EXOC6B: variants seen among roughly 807,000 people sequenced by gnomAD.
EXOC6B encodes exocyst complex component 6B.
EXOC6B carries 54 observed loss-of-function variants against 113.5 expected under a neutral mutation model. The ratio of observed to expected loss-of-function variants is 0.48; its 90% CI spans 0.38 to 0.60. EXOC6B has a LOEUF of 0.60. Ranked by LOEUF, EXOC6B falls within the 20% of genes least tolerant of loss-of-function variation. EXOC6B has a pLI of 0.00. For missense variants in EXOC6B, 797 were observed against 977.5 expected (o/e 0.82, Z 2.46); for synonymous variants, 357 against 339.0 (o/e 1.05, Z -0.58).
chr2:72,658,917 CAGAAAATTCAGAGTAAAGCA>C (rs1349819988), intron 6 of EXOC6B, among the ~76,000 whole-genome samples: 1 of 151,932 alleles, frequency 6.6e-6, no homozygotes. Context: ...TGTCTTTTTA[CAGAAAATTCAGAGTAAAGCA>C]CGAAATATAG....
intron 18 of EXOC6B, among the ~76,000 whole-genome samples, chr2:72,441,645 T>C (rs1696208313): frequency 6.6e-6 from 1 of 152,086 alleles, no homozygotes; most frequent in Non-Finnish European, 1.5e-5. Context: ...TATCTAGAAC[T>C]AATCGATAAG....
chr2:72,246,941 G>A (rs923931354), intron 20 of EXOC6B, among the ~76,000 whole-genome samples: 3 of 152,112 alleles, frequency 2.0e-5, no homozygotes, highest in Non-Finnish European at 4.4e-5. Context: ...CTAAGAACTT[G>A]TTTTTTGAGG....
rs181932880 is a variant in EXOC6B, at chr2:72,385,496, A to C, written c.1981-5626T>G. ...ATAACCACAAAAGTACAGGCAACAAAAGCAAAAACAGACACACAGGATTAC... is the reference window on the plus strand; with the variant it reads ...ATAACCACAAAAGTACAGGCAACAACAGCAAAAACAGACACACAGGATTAC... On this transcript the variant is annotated intron_variant, in intron 18 of 21. Transcript: ENST00000272427. 1.4e-3 allele frequency among the ~76,000 whole-genome samples: 220 copies of C among 152,178 alleles called. 1 individual carries two copies. The highest frequency in any genetic ancestry group is 3.4e-3 in the Middle Eastern group (1 of 294).
chr2:72,518,264 T>C (rs1000239973), intron 8 of EXOC6B, among the ~76,000 whole-genome samples: 1 of 152,216 alleles, frequency 6.6e-6, no homozygotes, highest in Non-Finnish European at 1.5e-5. Flanking sequence ...ACTTGGATTT[T>C]TTCCTACTTT....
At chr2:72,800,957 G>A (rs146199318) in intron 1 of EXOC6B, among the ~76,000 whole-genome samples, 322 of 152,202 alleles carry the variant, frequency 2.1e-3, no homozygotes, top group Non-Finnish European at 1.6e-3. Flanking sequence ...CTCTACTGTG[G>A]TGATTACAAA....
In EXOC6B at chr2:72,179,371, C is replaced by T. The variant is rs1677943038; in HGVS notation, c.2400G>A (p.Lys800=). The change falls in exon 22 of 22, where the codon AAG becomes AAA. Residue 800 remains lysine (K), a synonymous_variant. Transcript: ENST00000272427. ...DKQKLIDTVA[K]QLRGLISSHH... ...GGCTGCTGATGAGTCCTCGGAGCTG[C>T]TTGGCCACGGTGTCAATGAGTTTCT... 5 of 1,613,264 alleles carry T rather than the reference C, an allele frequency of 3.1e-6. No homozygotes were observed. The African/African-American group carries it at 4.0e-5, about 13-fold the overall frequency.
chr2:72,532,158 G>A (rs747552344), intron 8 of EXOC6B, among the ~76,000 whole-genome samples: 3 of 151,888 alleles, frequency 2.0e-5, no homozygotes, highest in East Asian at 1.9e-4. Context: ...CAAAACATAC[G>A]TATCAGACAA....
In EXOC6B at chr2:72,505,387, A is replaced by G. The variant is rs536659705; in HGVS notation, c.1168-5415T>C. On this transcript the variant is annotated intron_variant, in intron 11 of 21. Coordinates refer to ENST00000272427, the MANE Select transcript of EXOC6B (RefSeq NM_015189.3). ...CACCTAATATATATCCCAAGGATCC[A>G]TATATGTGTGAGACTGTTTGAAGGT... 5.9e-5 allele frequency among the ~76,000 whole-genome samples: 9 copies of G among 152,228 alleles called. No homozygotes were observed. In the South Asian group the frequency reaches 1.7e-3, roughly 28 times the overall value.
chr2:72,738,545 C>T (rs989490073), intron 2 of EXOC6B, among the ~76,000 whole-genome samples: 1 of 152,166 alleles, frequency 6.6e-6, no homozygotes, highest in African/African-American at 2.4e-5. Context: ...CATTCAAAAT[C>T]GTCAGTTGAA....
intron 6 of EXOC6B, among the ~76,000 whole-genome samples, chr2:72,610,203 T>C (rs1670993145): frequency 6.6e-6 from 1 of 152,124 alleles, no homozygotes; most frequent in South Asian, 2.1e-4. Flanking sequence ...ATATAAACAG[T>C]CAAACCATTT....
chr2:72,767,817 A>AAAAAAAAAAAAAAAAAAAAC (rs1683168963), intron 1 of EXOC6B, among the ~76,000 whole-genome samples: 1 of 136,066 alleles, frequency 7.3e-6, no homozygotes. Context: ...TTAAAAAAAA[A>AAAAAAAAAAAAAAAAAAAAC]AAAAAAAAAA....
intron 11 of EXOC6B, among the ~76,000 whole-genome samples, chr2:72,507,745 A>G (rs1700669245): frequency 6.6e-6 from 1 of 152,002 alleles, no homozygotes; most frequent in Non-Finnish European, 1.5e-5. Context: ...AGAATATACA[A>G]TAGATCTACA....
rs183238971 is a variant in EXOC6B, at chr2:72,464,780, A to G, written c.1980+380T>C. 1,107 of 200,064 alleles carry G rather than the reference A, an allele frequency of 5.5e-3. 14 individuals are homozygous for G. The highest frequency in any genetic ancestry group is 0.024 in the African/African-American group (1,049 of 43,454). The allele number at this position is 200,064 out of a possible 1,614,324, so 12.4% of individuals were successfully genotyped here. On this transcript the variant is annotated intron_variant, in intron 18 of 21. Transcript: ENST00000272427. ...TTAGATAAAAAAGATGGAGCATTTC[A>G]TCAAAGAATTTCAGTTTATATAAAA...
intron 6 of EXOC6B, among the ~76,000 whole-genome samples, chr2:72,613,249 T>A (rs1180205176): frequency 6.6e-6 from 1 of 152,048 alleles, no homozygotes; most frequent in Non-Finnish European, 1.5e-5. Context: ...GTCATAATCA[T>A]CCTTTAAATG....
intron 17 of EXOC6B, among the ~76,000 whole-genome samples, chr2:72,474,611 T>C (rs1698622331): frequency 6.6e-6 from 1 of 152,112 alleles, no homozygotes; most frequent in Non-Finnish European, 1.5e-5. Context: ...TGTTTGGTTA[T>C]ATTTTTGGTA....
chr2:72,720,748 G>A (rs573442182), intron 5 of EXOC6B, among the ~76,000 whole-genome samples: 11 of 151,458 alleles, frequency 7.3e-5, no homozygotes, highest in East Asian at 2.0e-4. Context: ...AGTGAGACCC[G>A]TCAAAAAATA....
chr2:72,191,513 T>C (rs1270396616), intron 20 of EXOC6B, among the ~76,000 whole-genome samples: 1 of 152,188 alleles, frequency 6.6e-6, no homozygotes, highest in Non-Finnish European at 1.5e-5. Flanking sequence ...TGTTGTTGTT[T>C]TGTTTTGTTT....
chr2:72,339,160 A>G (rs1572936873), intron 19 of EXOC6B, among the ~76,000 whole-genome samples: 2 of 152,128 alleles, frequency 1.3e-5, no homozygotes, highest in African/African-American at 2.4e-5. Context: ...AGGCTCCCAG[A>G]CTCTTGTAAT....
At chr2:72,597,252 A>G (rs2103974117) in intron 6 of EXOC6B, among the ~76,000 whole-genome samples, 1 of 151,774 alleles carries the variant, frequency 6.6e-6, no homozygotes, top group Non-Finnish European at 1.5e-5. Flanking sequence ...TTAGGTTATT[A>G]TAGTTTATGG....
Sources: allele counts gnomAD v4.1 joint callset (sites outside exome capture counted in the v4.1 genomes callset), GRCh38; gene constraint gnomAD v4.1.1; transcripts MANE v1.5; gene names NCBI Gene and HGNC (gene_info 2026-07-23, HGNC 2026-07-21).